The following GRHL2 variants were observed in gnomAD, a reference collection of about 807,000 sequenced individuals.
GRHL2 encodes the protein grainyhead like transcription factor 2.
Under a neutral mutation model 83.8 loss-of-function variants are expected in GRHL2, and 21 were observed. The observed-to-expected ratio is 0.25, with a 90% CI of 0.18 to 0.36. GRHL2 has a LOEUF of 0.36. Ranked by LOEUF, GRHL2 falls within the 10% of genes least tolerant of loss-of-function variation. The pLI, the probability that GRHL2 is intolerant of heterozygous loss-of-function variation, is 1.00. For synonymous variants in GRHL2, 280 were observed against 278.9 expected (o/e 1.00, Z -0.04); for missense variants, 623 against 781.8 (o/e 0.80, Z 2.42).
chr8:101,678,409 C>G, the GRHL2 span, among the ~76,000 whole-genome samples: 33 of 152,260 alleles, frequency 2.2e-4, no homozygotes, highest in East Asian at 6.2e-3. Context: ...AGATTATATC[C>G]CGCACCTGGC....
intron 14 of GRHL2, among the ~76,000 whole-genome samples, chr8:101,654,031 C>A (rs555719780): frequency 6.6e-6 from 1 of 152,324 alleles, no homozygotes; most frequent in South Asian, 2.1e-4. Context: ...TAAACCAAGA[C>A]GTGGCCCTAC....
chr8:101,548,189 C>A (rs755511965), intron 2 of GRHL2, among the ~76,000 whole-genome samples: 7 of 152,044 alleles, frequency 4.6e-5, no homozygotes, highest in African/African-American at 7.2e-5. Flanking sequence ...ACACACACAC[C>A]CACCCAAAAA....
At chr8:101,663,608 T>C (rs1253678216) in intron 14 of GRHL2, among the ~76,000 whole-genome samples, 1 of 138,170 alleles carries the variant, frequency 7.2e-6, no homozygotes, top group Non-Finnish European at 1.5e-5. Flanking sequence ...CAAGATTCCA[T>C]CTCAAAAAAT....
At chr8:101,514,842 G>A (rs537664703) in intron 1 of GRHL2, among the ~76,000 whole-genome samples, 31 of 152,024 alleles carry the variant, frequency 2.0e-4, no homozygotes, top group Admixed American at 1.0e-3. Context: ...CCACTTCCAT[G>A]CTCACTTTTC....
chr8:101,662,627 T>C (rs754809006), intron 14 of GRHL2, among the ~76,000 whole-genome samples: 1 of 152,022 alleles, frequency 6.6e-6, no homozygotes, highest in Non-Finnish European at 1.5e-5. Context: ...GCAGACAGAG[T>C]TGATTTGGGA....
At position 101,492,557 on chromosome 8, in the gene GRHL2, G is replaced by A. The variant is rs112953830; in HGVS notation, c.-213G>A. The A allele has an allele frequency of 1.5e-6, 1 of 654,056 alleles. No homozygotes were observed. The highest frequency in any genetic ancestry group is 2.8e-6 in the Non-Finnish European group (1 of 358,048). 40.5% of individuals were successfully genotyped at this position (654,056 alleles called of 1,614,324 possible). On this transcript the variant is annotated 5_prime_UTR_variant, in exon 1 of 16. Transcript: ENST00000646743. ...CTCCGAGCTCGGGCCCCATGTGAGG[G>A]GCCCCCCCTTATCCCACCTTTCCGG...
At chr8:101,510,777 G>A (rs1043579932) in intron 1 of GRHL2, among the ~76,000 whole-genome samples, 4 of 152,160 alleles carry the variant, frequency 2.6e-5, no homozygotes, top group East Asian at 3.9e-4. Context: ...ATATAAGTGC[G>A]CATGCATTTG....
At chr8:101,608,130 CTA>C (rs1444210785) in intron 8 of GRHL2, among the ~76,000 whole-genome samples, 1 of 152,198 alleles carries the variant, frequency 6.6e-6, no homozygotes, top group Non-Finnish European at 1.5e-5. Context: ...GCCAGGCAAT[CTA>C]TATGCATTAT....
At chr8:101,601,828 C>T (rs1393906669) in intron 8 of GRHL2, among the ~76,000 whole-genome samples, 3 of 152,200 alleles carry the variant, frequency 2.0e-5, no homozygotes. Context: ...TTCCTGGATA[C>T]AAGTGCAGAA....
intron 1 of GRHL2, among the ~76,000 whole-genome samples, chr8:101,523,493 G>C (rs760643270): frequency 1.3e-5 from 2 of 150,078 alleles, no homozygotes; most frequent in Non-Finnish European, 3.0e-5. Context: ...TTTTTTTTAA[G>C]GGGGGTGGGG....
chr8:101,625,397 T>C (rs1448832860), intron 9 of GRHL2, among the ~76,000 whole-genome samples: 2 of 152,120 alleles, frequency 1.3e-5, no homozygotes, highest in Non-Finnish European at 1.5e-5. Flanking sequence ...GAGGATGTTA[T>C]ATTGTTGTTC....
At chr8:101,533,792 A>G (rs978555814) in intron 1 of GRHL2, among the ~76,000 whole-genome samples, 9 of 152,210 alleles carry the variant, frequency 5.9e-5, no homozygotes, top group African/African-American at 2.2e-4. Context: ...GGGGAAGAAC[A>G]TTCTGGGAAG....
At chr8:101,660,512 C>T (rs1158386503) in intron 14 of GRHL2, among the ~76,000 whole-genome samples, 1 of 152,062 alleles carries the variant, frequency 6.6e-6, no homozygotes, top group Non-Finnish European at 1.5e-5. Flanking sequence ...CACTGAGACA[C>T]TCTGGCTTTT....
At chr8:101,511,677 A>T (rs536079850) in intron 1 of GRHL2, among the ~76,000 whole-genome samples, 10 of 147,766 alleles carry the variant, frequency 6.8e-5, no homozygotes, top group South Asian at 2.1e-4. Context: ...TTTTTTTTTT[A>T]AATATCTTCT....
chr8:101,539,424 C>T (rs947500298), intron 1 of GRHL2, among the ~76,000 whole-genome samples: 1 of 152,134 alleles, frequency 6.6e-6, no homozygotes, highest in Non-Finnish European at 1.5e-5. Flanking sequence ...CAAGTGGAGG[C>T]TGCAGACCAG....
At chr8:101,604,071 T>C (rs894652682) in intron 8 of GRHL2, among the ~76,000 whole-genome samples, 1 of 151,342 alleles carries the variant, frequency 6.6e-6, no homozygotes, top group East Asian at 1.9e-4. Flanking sequence ...TGTGTGTATG[T>C]GTGTGCATAT....
At chr8:101,547,300 T>G (rs981319783) in intron 2 of GRHL2, among the ~76,000 whole-genome samples, 1 of 152,240 alleles carries the variant, frequency 6.6e-6, no homozygotes, top group African/African-American at 2.4e-5. Context: ...ATTGCTGCCA[T>G]GTTATCATTC....
intron 1 of GRHL2, among the ~76,000 whole-genome samples, chr8:101,501,908 G>T (rs1586396258): frequency 6.6e-6 from 1 of 151,040 alleles, no homozygotes; most frequent in East Asian, 1.9e-4. Context: ...AAGATTGAGA[G>T]CAAGATTAGC....
At chr8:101,536,181 A>C (rs1811041939) in intron 1 of GRHL2, among the ~76,000 whole-genome samples, 1 of 152,216 alleles carries the variant, frequency 6.6e-6, no homozygotes, top group Non-Finnish European at 1.5e-5. Flanking sequence ...TTTGAAAAGT[A>C]GGTTGGAACC....
Sources: gnomAD v4.1 joint callset for allele counts (sites outside exome capture counted in the v4.1 genomes callset) on GRCh38, gnomAD v4.1.1 for gene constraint, MANE v1.5 for transcripts, NCBI Gene and HGNC (gene_info 2026-07-23, HGNC 2026-07-21) for gene names.